MOB3B: variants seen among roughly 807,000 people sequenced by gnomAD.
MOB3B encodes the protein MOB kinase activator-like 2B.
Under a neutral mutation model 18.7 loss-of-function variants are expected in MOB3B, and 7 were observed. The observed-to-expected ratio is 0.37, with a 90% CI of 0.21 to 0.70. The LOEUF (loss-of-function observed/expected upper bound fraction) is 0.70. Among genes scored for constraint, MOB3B ranks in the 30% least tolerant of loss-of-function variants. The pLI, the probability that MOB3B is intolerant of heterozygous loss-of-function variation, is 0.52. For missense variants in MOB3B, 253 were observed against 281.3 expected (o/e 0.90, Z 0.72); for synonymous variants, 111 against 99.9 (o/e 1.11, Z -0.66).
chr9:27,452,755 T>C (rs1822809838), intron 2 of MOB3B, among the ~76,000 whole-genome samples: 1 of 152,230 alleles, frequency 6.6e-6, no homozygotes, highest in South Asian at 2.1e-4. Flanking sequence ...AAGTGAAATA[T>C]GCCTGGCACA....
At chr9:27,466,664 C>T (rs879717138) in intron 1 of MOB3B, among the ~76,000 whole-genome samples, 1 of 152,138 alleles carries the variant, frequency 6.6e-6, no homozygotes, top group African/African-American at 2.4e-5. Context: ...TAGTGGGAGG[C>T]AGAAGGCACT....
intron 1 of MOB3B, among the ~76,000 whole-genome samples, chr9:27,468,129 C>T (rs1248497363): frequency 6.6e-6 from 1 of 152,156 alleles, no homozygotes; most frequent in Non-Finnish European, 1.5e-5. Context: ...TGTCTACACA[C>T]CAGAAATGCA....
At chr9:27,365,885 G>A (rs975730835) in intron 2 of MOB3B, among the ~76,000 whole-genome samples, 3 of 152,200 alleles carry the variant, frequency 2.0e-5, no homozygotes, top group Non-Finnish European at 4.4e-5. Context: ...CTGAAACAGG[G>A]CCAGCTGAGC....
chr9:27,399,128 T>C (rs944384811), intron 2 of MOB3B, among the ~76,000 whole-genome samples: 4 of 152,152 alleles, frequency 2.6e-5, no homozygotes, highest in African/African-American at 9.7e-5. Context: ...TCTACTATTA[T>C]CATGCATGAA....
chr9:27,467,632 T>C lies in MOB3B; in HGVS notation c.-198-11884A>G, dbSNP rs115391637. 1.8e-3 allele frequency among the ~76,000 whole-genome samples: 271 copies of C among 152,376 alleles called. 1 individual carries two copies. Among genetic ancestry groups the C allele is most frequent in the African/African-American group, 6.2e-3 (256 of 41,590 alleles). On this transcript the variant is annotated intron_variant, in intron 1 of 3. Coordinates refer to ENST00000262244, the MANE Select transcript of MOB3B (RefSeq NM_024761.5). The stretch of plus-strand genomic sequence containing the variant: ...TACTATCCTCTCTATGTCCTTTTAC[T>C]AACATCGCCCCAGGGCAAGTGGAGG...
intron 2 of MOB3B, chr9:27,378,303 A>G (rs1330920): frequency 0.29 from 136,561 of 467,384 alleles, 20,838 homozygotes; most frequent in South Asian, 0.37. Context: ...GAATGAGGTC[A>G]TAAGGATGGA....
At chr9:27,382,083 T>C (rs878941885) in intron 2 of MOB3B, among the ~76,000 whole-genome samples, 10 of 152,180 alleles carry the variant, frequency 6.6e-5, no homozygotes, top group Admixed American at 2.6e-4. Flanking sequence ...GAGCACATTA[T>C]TTCGTCTAAG....
intron 2 of MOB3B, chr9:27,394,165 C>G (rs926283389): frequency 6.6e-6 from 1 of 152,056 alleles, no homozygotes; most frequent in African/African-American, 2.4e-5. Context: ...AAGGAATGAC[C>G]TCCCTTCTTC....
intron 2 of MOB3B, among the ~76,000 whole-genome samples, chr9:27,414,981 C>A (rs1379221620): frequency 6.6e-6 from 1 of 152,168 alleles, no homozygotes; most frequent in Admixed American, 6.5e-5. Context: ...CCTGCCTCAG[C>A]CTCCCGAGTA....
intron 2 of MOB3B, among the ~76,000 whole-genome samples, chr9:27,402,211 G>C (rs936498972): frequency 2.0e-5 from 3 of 152,180 alleles, no homozygotes; most frequent in South Asian, 2.1e-4. Flanking sequence ...ACATTTGGTT[G>C]AACCACATGA....
At position 27,455,432 on chromosome 9, in the gene MOB3B, G is replaced by A. The variant is rs767427574; in HGVS notation, c.119C>T (p.Ser40Leu). ...LHKRAQASLN[S>L]GVDLKAAVQL... ...CACAGCCGCCTTCAGGTCCACACCC[G>A]AGTTGAGGGATGCCTGAGCCCGTTT... is the stretch of plus-strand genomic sequence containing the variant. The change falls in exon 2 of 4, where the codon TCG becomes TTG. Residue 40 changes from serine to leucine, a missense_variant. Physicochemically the swap from Ser to Leu is moderately radical, Grantham distance 145. Transcript: ENST00000262244. The A allele has an allele frequency of 3.7e-6, 6 of 1,614,202 alleles. No individual in the cohort carries two copies. The highest frequency in any genetic ancestry group is 5.1e-6 in the Non-Finnish European group (6 of 1,180,038).
chr9:27,359,154 G>T lies in MOB3B; in HGVS notation c.501C>A (p.Ile167=). 6.2e-7 allele frequency: 1 copy of T among 1,614,118 alleles called. No individual in the cohort carries two copies. Residue 167 remains isoleucine (I), a synonymous_variant, in exon 3 of 4, where the codon ATC becomes ATA. Coordinates refer to ENST00000262244, the MANE Select transcript of MOB3B (RefSeq NM_024761.5). ...RLFRVFVHVY[I]HHFDRVIVMG... is the part of the protein sequence containing the mutation. The stretch of plus-strand genomic sequence containing the variant: ...TCACAATGACCCGGTCGAAGTGGTG[G>T]ATATAGACGTGGACAAAGACCCGGA...
chr9:27,390,064 T>C (rs1044310481), intron 2 of MOB3B, among the ~76,000 whole-genome samples: 1 of 152,176 alleles, frequency 6.6e-6, no homozygotes, highest in Non-Finnish European at 1.5e-5. Flanking sequence ...CATATATATA[T>C]ATAAAATATA....
chr9:27,397,887 G>A (rs1821825061), intron 2 of MOB3B, among the ~76,000 whole-genome samples: 1 of 152,138 alleles, frequency 6.6e-6, no homozygotes, highest in African/African-American at 2.4e-5. Context: ...ACATTGCAGG[G>A]TGTTTAGTAG....
At chr9:27,490,809 A>G (rs1365996860) in intron 1 of MOB3B, among the ~76,000 whole-genome samples, 1 of 152,214 alleles carries the variant, frequency 6.6e-6, no homozygotes, top group Non-Finnish European at 1.5e-5. Flanking sequence ...TGAAACTAGA[A>G]TCATTTTTAA....
intron 1 of MOB3B, among the ~76,000 whole-genome samples, chr9:27,504,454 G>C (rs1213688348): frequency 6.6e-6 from 1 of 152,240 alleles, no homozygotes; most frequent in East Asian, 1.9e-4. Context: ...AATGACAGAT[G>C]CATAGCACAA....
intron 2 of MOB3B, among the ~76,000 whole-genome samples, chr9:27,395,754 C>T (rs1821788983): frequency 6.6e-6 from 1 of 152,214 alleles, no homozygotes. Flanking sequence ...GAGCCCAGGT[C>T]CTGGAGCCAA....
intron 3 of MOB3B, among the ~76,000 whole-genome samples, chr9:27,335,619 C>A (rs7866205): frequency 1.3e-5 from 2 of 152,136 alleles, no homozygotes; most frequent in Non-Finnish European, 2.9e-5. Flanking sequence ...CATCCCCCAT[C>A]GGTGGCCGAC....
chr9:27,516,799 C>T (rs1820242274), intron 1 of MOB3B, among the ~76,000 whole-genome samples: 1 of 152,210 alleles, frequency 6.6e-6, no homozygotes, highest in Non-Finnish European at 1.5e-5. Context: ...TTACCACTTA[C>T]AGCTTCTGTG....
Sources: gnomAD v4.1 joint callset for allele counts (sites outside exome capture counted in the v4.1 genomes callset) on GRCh38, gnomAD v4.1.1 for gene constraint, MANE v1.5 for transcripts, NCBI Gene and HGNC (gene_info 2026-07-23, HGNC 2026-07-21) for gene names.